SLC10A1: variants seen among roughly 807,000 people sequenced by gnomAD.
SLC10A1 encodes the protein solute carrier family 10 member 1, also known as hepatic sodium/bile acid cotransporter.
In SLC10A1, 36 loss-of-function variants were observed where a neutral mutation model predicts 20.5. The ratio of observed to expected loss-of-function variants is 1.75; its 90% CI spans 1.34 to 2.32. The LOEUF is 2.32. Among genes scored for constraint, SLC10A1 ranks in the 30% most tolerant of loss-of-function variants. SLC10A1 has a pLI of 0.00. For missense variants in SLC10A1, 545 were observed against 439.1 expected (o/e 1.24, Z -2.16); for synonymous variants, 188 against 163.6 (o/e 1.15, Z -1.14).
At chr14:69,780,096 AC>A (rs1470322258) in intron 2 of SLC10A1, among the ~76,000 whole-genome samples, 2 of 152,222 alleles carry the variant, frequency 1.3e-5, no homozygotes, top group Non-Finnish European at 2.9e-5. Flanking sequence ...AAGGGGACAA[AC>A]CTACTTTCTT....
In SLC10A1 at chr14:69,776,201, T is replaced by A; in HGVS notation, c.*81A>T. 1 of 918,028 alleles carries A rather than the reference T, an allele frequency of 1.1e-6. No individual in the cohort carries two copies. The highest frequency in any genetic ancestry group is 1.5e-5 in the South Asian group (1 of 68,606). 56.9% of individuals were successfully genotyped at this position (918,028 alleles called of 1,614,324 possible). ...TGGAGAAAGACTCAGGCAAGACTGG[T>A]GTTTTTGCTGCTCTCTCTAGTTTAC... On this transcript the variant is annotated 3_prime_UTR_variant, in exon 5 of 5. Coordinates refer to ENST00000216540, the MANE Select transcript of SLC10A1 (RefSeq NM_003049.4).
chr14:69,790,426 G>A (rs543851748), intron 1 of SLC10A1, among the ~76,000 whole-genome samples: 5 of 152,044 alleles, frequency 3.3e-5, no homozygotes, highest in African/African-American at 1.2e-4. Flanking sequence ...TATGAACATA[G>A]AAACAAAAAT....
At chr14:69,796,613 G>T (rs978663053) in intron 1 of SLC10A1, among the ~76,000 whole-genome samples, 187 bp downstream of exon 1, 1 of 152,162 alleles carries the variant, frequency 6.6e-6, no homozygotes, top group Non-Finnish European at 1.5e-5. Context: ...TAAACCAGAC[G>T]TACCCCAACT....
At chr14:69,778,642 G>T in intron 3 of SLC10A1, 113 bp from the exon 4 acceptor site, 1 of 868,326 alleles carries the variant, frequency 1.2e-6, no homozygotes, top group Non-Finnish European at 1.7e-6. Flanking sequence ...ACCCTGGACA[G>T]GGGTACTTTG....
intron 4 of SLC10A1, among the ~76,000 whole-genome samples, chr14:69,777,712 A>G (rs1183815668): frequency 6.6e-6 from 1 of 150,724 alleles, no homozygotes. Flanking sequence ...TAGAGAAGAG[A>G]TGCTATGTTA....
intron 1 of SLC10A1, among the ~76,000 whole-genome samples, chr14:69,789,927 C>CT (rs1245877578): frequency 8.1e-4 from 78 of 96,634 alleles, no homozygotes; most frequent in African/African-American, 1.1e-3. Flanking sequence ...TTTTTTTTTT[C>CT]TTTTTTTTTT....
At chr14:69,794,363 G>A (rs1276676079) in intron 1 of SLC10A1, among the ~76,000 whole-genome samples, 2 of 152,172 alleles carry the variant, frequency 1.3e-5, no homozygotes, top group East Asian at 3.8e-4. Context: ...TGGCCATTTT[G>A]TTTGTGGAAA....
chr14:69,795,739 C>A (rs1882375683), intron 1 of SLC10A1, among the ~76,000 whole-genome samples: 1 of 152,084 alleles, frequency 6.6e-6, no homozygotes, highest in Admixed American at 6.6e-5. Context: ...TTTAAAAAAT[C>A]TGTCCCAGTG....
chr14:69,778,968 T>C (rs1222236567), intron 3 of SLC10A1, among the ~76,000 whole-genome samples: 1 of 152,172 alleles, frequency 6.6e-6, no homozygotes, highest in Non-Finnish European at 1.5e-5. Context: ...AGTTCAAAAC[T>C]AGCCTGGGCA....
Position 69,778,444 on chromosome 14 carries a change from C to G in SLC10A1, c.832G>C (p.Val278Leu), listed in dbSNP as rs777859204. ...TILNVAFPPE[V>L]IGPLFFFPLL... is the part of the protein sequence containing the mutation. Reference sequence around the variant, plus strand: ...GGAAAGAAGAAAAGTGGTCCAATGACTTCAGGTGGAAAGGCCACATTGAGG... The same window carrying G: ...GGAAAGAAGAAAAGTGGTCCAATGAGTTCAGGTGGAAAGGCCACATTGAGG... Residue 278 changes from valine to leucine, a missense_variant, in exon 4 of 5, where the codon GTC becomes CTC. Transcript: ENST00000216540. 2.5e-6 allele frequency: 4 copies of G among 1,613,950 alleles called. No homozygotes were observed. In the East Asian group the frequency reaches 8.9e-5, roughly 36 times the overall value.
Position 69,786,088 on chromosome 14 carries a change from G to C in SLC10A1, c.567+9C>G. 1 of 1,612,438 alleles carries C rather than the reference G, an allele frequency of 6.2e-7. No individual in the cohort carries two copies. Among genetic ancestry groups the C allele is most frequent in the Non-Finnish European group, 8.5e-7 (1 of 1,178,512 alleles). On this transcript the variant is annotated intron_variant, in intron 2 of 4. Coordinates refer to ENST00000216540, the MANE Select transcript of SLC10A1 (RefSeq NM_003049.4). ...TTGCCCTAATTTGTCAAGCCTCCCA[G>C]GTTCTTACCTTGATGACATAGCGCA...
intron 2 of SLC10A1, among the ~76,000 whole-genome samples, chr14:69,784,547 ACTC>A (rs1440816283): frequency 2.0e-5 from 3 of 151,994 alleles, no homozygotes; most frequent in South Asian, 2.1e-4. Context: ...GAGGGGGACT[ACTC>A]CTAAAACCTG....
At chr14:69,780,893 G>GA (rs1384324829) in intron 2 of SLC10A1, among the ~76,000 whole-genome samples, 1 of 152,164 alleles carries the variant, frequency 6.6e-6, no homozygotes, top group African/African-American at 2.4e-5. Flanking sequence ...ATCAAGAGTG[G>GA]AGTGGATAAT....
At chr14:69,785,449 G>T (rs1395281255) in intron 2 of SLC10A1, among the ~76,000 whole-genome samples, 1 of 152,120 alleles carries the variant, frequency 6.6e-6, no homozygotes, top group Non-Finnish European at 1.5e-5. Flanking sequence ...TTACCTAAAT[G>T]CCTCAAGCCC....
intron 1 of SLC10A1, among the ~76,000 whole-genome samples, chr14:69,788,701 C>T (rs1317417090): frequency 1.3e-5 from 2 of 152,080 alleles, no homozygotes; most frequent in East Asian, 3.8e-4. Flanking sequence ...CCTGCCACCA[C>T]GCCCGGCTAA....
chr14:69,778,239 C>T, intron 4 of SLC10A1, 94 bp downstream of exon 4: 1 of 1,049,570 alleles, frequency 9.5e-7, no homozygotes, highest in Non-Finnish European at 1.4e-6. Context: ...AGTTAAAGCC[C>T]TATCCAAAAA....
At chr14:69,782,298 A>G (rs1384426078) in intron 2 of SLC10A1, among the ~76,000 whole-genome samples, 1 of 152,190 alleles carries the variant, frequency 6.6e-6, no homozygotes, top group East Asian at 1.9e-4. Context: ...TTTTCCAGCC[A>G]AGGTATTTCT....
Position 69,796,895 on chromosome 14 carries a change from G to A in SLC10A1, c.261C>T (p.Asn87=), listed in dbSNP as rs768763066. The part of the protein sequence containing the change: ...FVLGKVFRLK[N]IEALAILVCG... ...AGACCAAGATGGCCAGTGCCTCAATGTTCTTCAGCCGGAAGACCTTGCCCA... is the reference window on the plus strand; with the variant it reads ...AGACCAAGATGGCCAGTGCCTCAATATTCTTCAGCCGGAAGACCTTGCCCA... The change falls in exon 1 of 5, where the codon AAC becomes AAT. Residue 87 remains asparagine (N), a synonymous_variant. Transcript: ENST00000216540. 1.2e-6 allele frequency: 2 copies of A among 1,614,204 alleles called. No individual in the cohort carries two copies. Among genetic ancestry groups the A allele is most frequent in the South Asian group, 2.2e-5 (2 of 91,082 alleles).
rs1883531752 is a variant in SLC10A1 at position 69,779,308 on chromosome 14, G to T, written c.620C>A (p.Ala207Asp). The change falls in exon 3 of 5, where the codon GCC (alanine) becomes GAC (aspartate). Residue 207 changes from alanine to aspartate, a missense_variant. By Grantham distance (126) the Ala-to-Asp change is moderately radical. Transcript: ENST00000216540. ...CATGATGCTCTTCCCCACATTGATG[G>T]CAGAGAGAACTGTGACGGCCACACT... ...LCSVAVTVLS[A>D]INVGKSIMFA... 1.9e-6 allele frequency: 3 copies of T among 1,614,010 alleles called. No individual in the cohort carries two copies. The Admixed American group carries it at 5.0e-5, about 27-fold the overall frequency.
Sources: allele counts gnomAD v4.1 joint callset (sites outside exome capture counted in the v4.1 genomes callset), GRCh38; gene constraint gnomAD v4.1.1; transcripts MANE v1.5; gene names NCBI Gene and HGNC (gene_info 2026-07-23, HGNC 2026-07-21).